The following STK4 variants were observed in gnomAD, a reference collection of about 807,000 sequenced individuals.
STK4 encodes the protein serine/threonine kinase 4.
STK4 carries 30 observed loss-of-function variants against 64.9 expected under a neutral mutation model. That is an observed-to-expected ratio of 0.46 (90% CI 0.35 to 0.63). The LOEUF is 0.63. Ranked by LOEUF, STK4 falls within the 20% of genes least tolerant of loss-of-function variation. STK4 has a pLI of 0.01. For missense variants in STK4, 466 were observed against 598.5 expected, an observed-to-expected ratio of 0.78 and a Z score of 2.31; for synonymous variants, 177 against 199.0, an observed-to-expected ratio of 0.89 and a Z score of 0.93.
intron 10 of STK4, among the ~76,000 whole-genome samples, chr20:45,031,160 G>A (rs949199187): frequency 2.0e-5 from 3 of 147,668 alleles, no homozygotes; most frequent in South Asian, 4.3e-4. Flanking sequence ...TATCAGTTCA[G>A]GTAATAATAG....
rs1980490349 is a variant in STK4, at chr20:45,076,063, C to CA, written c.*888dup. 1 of 152,656 alleles carries CA rather than the reference C, an allele frequency of 6.6e-6. No homozygotes were observed. The highest frequency in any genetic ancestry group is 1.5e-5 in the Non-Finnish European group (1 of 68,064). The allele number at this position is 152,656 out of a possible 1,614,324, so 9.5% of individuals were successfully genotyped here. ...AAAGGAAAAGCGTTTTTGAAGCTCTCATTGTTCATGTAAAAATCATACACG... is the reference window on the plus strand; with the variant it reads ...AAAGGAAAAGCGTTTTTGAAGCTCTCAATTGTTCATGTAAAAATCATACACG... On this transcript the variant is annotated 3_prime_UTR_variant, in exon 11 of 11. Coordinates refer to ENST00000372806, the MANE Select transcript of STK4 (RefSeq NM_006282.5). The surrounding 1 kb of genome is among the most constrained non-coding windows in gnomAD (Gnocchi z 4.0).
Position 44,966,610 on chromosome 20 carries a change from G to A in STK4, c.35+7G>A, listed in dbSNP as rs1455862417. 1.0e-5 allele frequency: 13 copies of A among 1,274,164 alleles called. No individual in the cohort carries two copies. 78.9% of individuals were successfully genotyped at this position (1,274,164 alleles called of 1,614,324 possible). On this transcript the variant is annotated splice_region_variant and intron_variant, in intron 1 of 10. Transcript: ENST00000372806. ...TGAGGAACCCGCCGCGCCGGTGAGGGGCCACTGGCTAAGAGGACGGGCATG... is the reference window on the plus strand; with the variant it reads ...TGAGGAACCCGCCGCGCCGGTGAGGAGCCACTGGCTAAGAGGACGGGCATG...
At chr20:45,036,064 T>G (rs1486665012) in intron 10 of STK4, among the ~76,000 whole-genome samples, 1 of 152,168 alleles carries the variant, frequency 6.6e-6, no homozygotes, top group African/African-American at 2.4e-5. Flanking sequence ...AACAATGTAT[T>G]GTATTTTGAA....
chr20:44,987,519 A>G (rs1465992254), intron 5 of STK4, among the ~76,000 whole-genome samples: 1 of 152,216 alleles, frequency 6.6e-6, no homozygotes, highest in Non-Finnish European at 1.5e-5. Flanking sequence ...TATAAAGATG[A>G]AAAGTAAAGC....
chr20:45,007,904 GT>G, intron 9 of STK4: 1 of 281,340 alleles, frequency 3.6e-6, no homozygotes, highest in Non-Finnish European at 7.2e-6. Flanking sequence ...CTCACCTCTA[GT>G]AGTCTGCAAT....
chr20:44,984,327 TG>T (rs1459656311), intron 4 of STK4, among the ~76,000 whole-genome samples: 1 of 151,496 alleles, frequency 6.6e-6, no homozygotes, highest in East Asian at 2.0e-4. Context: ...CCCTGGTAGC[TG>T]TACTCCCTAG....
At chr20:45,029,683 C>A (rs1411190548) in intron 10 of STK4, among the ~76,000 whole-genome samples, 1 of 152,166 alleles carries the variant, frequency 6.6e-6, no homozygotes, top group East Asian at 1.9e-4. Flanking sequence ...GTTATTCAGG[C>A]CTTACCCCAG....
At chr20:44,987,072 T>G in intron 4 of STK4, 60 bp from the exon 5 acceptor site, 1 of 1,400,010 alleles carries the variant, frequency 7.1e-7, no homozygotes, top group Non-Finnish European at 9.7e-7. Flanking sequence ...TGATTTTTTC[T>G]CCTTTTTCTA....
At position 44,988,215 on chromosome 20, in the gene STK4, A is replaced by G. The variant is rs112817591; in HGVS notation, c.525+919A>G. 8.6e-3 allele frequency among the ~76,000 whole-genome samples: 1,302 copies of G among 152,120 alleles called. 18 individuals carry two copies. The highest frequency in any genetic ancestry group is 0.03 in the African/African-American group (1,248 of 41,496). Reference sequence around the variant, plus strand: ...GAAAAAATACACCCTCTGATGGTCTATAAAATAATATAATATTGGCCGGGT... The same window carrying G: ...GAAAAAATACACCCTCTGATGGTCTGTAAAATAATATAATATTGGCCGGGT... On this transcript the variant is annotated intron_variant, in intron 5 of 10. Transcript: ENST00000372806.
intron 1 of STK4, 147 bp from the exon 2 acceptor site, chr20:44,971,931 A>G (rs1356138537): frequency 3.4e-5 from 24 of 715,508 alleles, no homozygotes; most frequent in Non-Finnish European, 4.5e-5. Flanking sequence ...TCGGCCTCCC[A>G]AGAAACCTTG....
chr20:45,043,494 A>G (rs2068645493), intron 10 of STK4, among the ~76,000 whole-genome samples: 1 of 152,150 alleles, frequency 6.6e-6, no homozygotes, highest in Non-Finnish European at 1.5e-5. Context: ...TCTGAGCTTC[A>G]TTGTCCTCAT....
chr20:45,046,428 C>T (rs1267909939), intron 10 of STK4, among the ~76,000 whole-genome samples: 4 of 149,510 alleles, frequency 2.7e-5, no homozygotes, highest in East Asian at 2.0e-4. Flanking sequence ...GAATGAGACC[C>T]TATCTCAAAA....
intron 10 of STK4, among the ~76,000 whole-genome samples, chr20:45,065,800 A>AT (rs1298636499): frequency 1.3e-5 from 2 of 150,026 alleles, no homozygotes; most frequent in African/African-American, 4.9e-5. Flanking sequence ...TTATTTATTT[A>AT]TTTATTTTTT....
intron 3 of STK4, among the ~76,000 whole-genome samples, chr20:44,979,549 G>A (rs994667713): frequency 1.3e-5 from 2 of 152,160 alleles, no homozygotes; most frequent in African/African-American, 4.8e-5. Flanking sequence ...AAAGTTAGGG[G>A]CAATGCCAGC....
chr20:45,001,304 C>G lies in STK4; in HGVS notation c.1098C>G (p.Gly366=), dbSNP rs1488834612. The change falls in exon 9 of 11, where the codon GGC becomes GGG. Residue 366 remains glycine, a synonymous_variant. Transcript: ENST00000372806. ...ATGACACGTTGCCATCACAACTGGG[C>G]ACCATGGTGATCAATGCAGAGGATG... ...EHDDTLPSQL[G]TMVINAEDEE... is the part of the protein sequence containing the mutation. 1 of 1,614,118 alleles carries G rather than the reference C, an allele frequency of 6.2e-7. No individual in the cohort carries two copies. Among genetic ancestry groups the G allele is most frequent in the South Asian group, 1.1e-5 (1 of 91,080 alleles).
chr20:44,978,695 A>G (rs1253790328), intron 3 of STK4, 124 bp downstream of exon 3: 20 of 1,117,426 alleles, frequency 1.8e-5, no homozygotes, highest in Non-Finnish European at 2.4e-5. Flanking sequence ...CGATGGAATC[A>G]CTGTGCATTT....
At chr20:45,036,683 G>A (rs1430459304) in intron 10 of STK4, among the ~76,000 whole-genome samples, 2 of 152,138 alleles carry the variant, frequency 1.3e-5, no homozygotes, top group African/African-American at 4.8e-5. Context: ...GTGAACAAAT[G>A]TGAATCTTCC....
chr20:45,069,805 G>A (rs908398633), intron 10 of STK4, among the ~76,000 whole-genome samples: 1 of 152,140 alleles, frequency 6.6e-6, no homozygotes, highest in African/African-American at 2.4e-5. Flanking sequence ...GTTTAGCATA[G>A]TAAACAAGAC....
chr20:44,967,317 G>T, intron 1 of STK4: 1 of 810,830 alleles, frequency 1.2e-6, no homozygotes, highest in African/African-American at 1.9e-5. Context: ...GGAGACTGAG[G>T]TCCAGAGTAG....
Sources: gnomAD v4.1 joint callset for allele counts (sites outside exome capture counted in the v4.1 genomes callset) on GRCh38, gnomAD v4.1.1 for gene constraint, Gnocchi (gnomAD v3.1) non-coding constraint, MANE v1.5 for transcripts, NCBI Gene and HGNC (gene_info 2026-07-23, HGNC 2026-07-21) for gene names.